Variants in KCNQ3 observed in about 807,000 individuals in gnomAD.
KCNQ3 encodes potassium voltage-gated channel subfamily KQT member 3.
Under a neutral mutation model 92.5 loss-of-function variants are expected in KCNQ3, and 30 were observed. That is an observed-to-expected ratio of 0.32 (90% confidence interval 0.24 to 0.44). KCNQ3 has a LOEUF of 0.44. Ranked by LOEUF, KCNQ3 falls within the 20% of genes least tolerant of loss-of-function variation. KCNQ3 has a pLI of 1.00. For missense variants in KCNQ3, 913 were observed against 1,140.3 expected (o/e 0.80, Z 2.87); for synonymous variants, 450 against 468.8 (o/e 0.96, Z 0.52).
rs886062698 is a variant in KCNQ3 at position 132,480,679 on chromosome 8, C to CCCG, written c.-148_-147insCGG. ...CCGCGCGCCCCTCCCCACCCCCCCC[C>CCCG]AAAAGCAGGCAAAGGCGGGCCCCCT... is the stretch of plus-strand genomic sequence containing the variant. On this transcript the variant is annotated 5_prime_UTR_variant, in exon 1 of 15. Transcript: ENST00000388996. 1.2e-6 allele frequency: 1 copy of CCCG among 864,810 alleles called. No individual in the cohort carries two copies. Among genetic ancestry groups the CCCG allele is most frequent in the Admixed American group, 5.5e-5 (1 of 18,148 alleles). 53.6% of individuals were successfully genotyped at this position (864,810 alleles called of 1,614,324 possible).
At chr8:132,411,442 A>G (rs1324941146) in intron 1 of KCNQ3, among the ~76,000 whole-genome samples, 1 of 152,136 alleles carries the variant, frequency 6.6e-6, no homozygotes, top group Non-Finnish European at 1.5e-5. Context: ...AGCCTCTCTC[A>G]GCAGAAAGAG....
intron 1 of KCNQ3, among the ~76,000 whole-genome samples, chr8:132,276,823 T>C (rs1816347664): frequency 6.6e-6 from 1 of 152,152 alleles, no homozygotes; most frequent in Admixed American, 6.5e-5. Context: ...TTCGACCCCT[T>C]AGAGGTCATG....
Position 132,177,566 on chromosome 8 carries a change from C to T in KCNQ3, c.778-1958G>A, listed in dbSNP as rs551943552. Among the ~76,000 whole-genome samples, 7 of 152,330 alleles carry T rather than the reference C, an allele frequency of 4.6e-5. No homozygotes were observed. In the South Asian group the frequency reaches 1.2e-3, roughly 27 times the overall value. ...CGAAAGGGGCCCACCCAGCACACAT[C>T]GGATACACTGTAAGCCAGAAGACGT... On this transcript the variant is annotated intron_variant, in intron 4 of 14. Coordinates refer to ENST00000388996, the MANE Select transcript of KCNQ3 (RefSeq NM_004519.4).
Position 132,127,277 on chromosome 8 carries a change from T to C in KCNQ3, c.*1985A>G, listed in dbSNP as rs1824701377. On this transcript the variant is annotated 3_prime_UTR_variant, in exon 15 of 15. Coordinates refer to ENST00000388996, the MANE Select transcript of KCNQ3 (RefSeq NM_004519.4). Reference sequence around the variant, plus strand: ...ATATTTCCCATCTCAGACTTCAAGGTCTACACCCATCCATTTATGGGGCTC... The same window carrying C: ...ATATTTCCCATCTCAGACTTCAAGGCCTACACCCATCCATTTATGGGGCTC... The C allele has an allele frequency of 6.6e-6, 1 of 152,226 alleles. No homozygotes were observed. Among genetic ancestry groups the C allele is most frequent in the African/African-American group, 2.4e-5 (1 of 41,462 alleles). The allele number at this position is 152,226 out of a possible 1,614,324, so 9.4% of individuals were successfully genotyped here.
intron 9 of KCNQ3, among the ~76,000 whole-genome samples, chr8:132,149,908 C>T (rs1825582905): frequency 6.6e-6 from 1 of 152,170 alleles, no homozygotes; most frequent in Non-Finnish European, 1.5e-5. Context: ...AGCTCTGTCC[C>T]ACAATAGTTT....
In KCNQ3 at chr8:132,217,169, G is replaced by A. The variant is rs190945120; in HGVS notation, c.387-30988C>T. Among the ~76,000 whole-genome samples the A allele has an allele frequency of 8.5e-5, 13 of 152,170 alleles. No homozygotes were observed. The East Asian group carries it at 1.7e-3, about 20-fold the overall frequency. On this transcript the variant is annotated intron_variant, in intron 1 of 14. Coordinates refer to ENST00000388996, the MANE Select transcript of KCNQ3 (RefSeq NM_004519.4). ...AGATTGGCAGGTTGAAATTTACCAC[G>A]GTGGGAGTATTTATACCAGAGAAAC...
At chr8:132,284,201 C>T (rs543074150) in intron 1 of KCNQ3, among the ~76,000 whole-genome samples, 1 of 152,204 alleles carries the variant, frequency 6.6e-6, no homozygotes, top group African/African-American at 2.4e-5. Flanking sequence ...AATAATAGGG[C>T]TTGAGAGTGT....
intron 1 of KCNQ3, among the ~76,000 whole-genome samples, chr8:132,433,717 C>T (rs1821311914): frequency 6.6e-6 from 1 of 151,176 alleles, no homozygotes; most frequent in African/African-American, 2.4e-5. Context: ...TGGCAAAAAC[C>T]CATCTCTACT....
At chr8:132,353,598 G>C (rs1037665470) in intron 1 of KCNQ3, among the ~76,000 whole-genome samples, 1 of 152,150 alleles carries the variant, frequency 6.6e-6, no homozygotes, top group Non-Finnish European at 1.5e-5. Context: ...CGGATCATCT[G>C]AGGTCAGGAG....
chr8:132,222,500 G>T (rs527462898), intron 1 of KCNQ3, among the ~76,000 whole-genome samples: 2 of 152,342 alleles, frequency 1.3e-5, no homozygotes, highest in South Asian at 4.1e-4. Context: ...TGAGAAGAGT[G>T]AGTTTAGGGT....
At chr8:132,453,362 G>C (rs913013288) in intron 1 of KCNQ3, among the ~76,000 whole-genome samples, 3 of 152,244 alleles carry the variant, frequency 2.0e-5, no homozygotes. Context: ...TTGGAGAATG[G>C]ATGGGTAAGA....
intron 1 of KCNQ3, among the ~76,000 whole-genome samples, chr8:132,276,330 G>T (rs1439352272): frequency 6.6e-6 from 1 of 152,132 alleles, no homozygotes. Context: ...AAGGTGCTGA[G>T]GTGTAAGTAA....
chr8:132,162,325 T>C (rs912460298), intron 9 of KCNQ3, among the ~76,000 whole-genome samples: 1 of 152,200 alleles, frequency 6.6e-6, no homozygotes, highest in Non-Finnish European at 1.5e-5. Flanking sequence ...ATCTGCACGA[T>C]TTATAAACCT....
intron 1 of KCNQ3, among the ~76,000 whole-genome samples, chr8:132,374,410 C>G (rs977570034): frequency 2.6e-5 from 4 of 152,178 alleles, no homozygotes; most frequent in African/African-American, 9.7e-5. Flanking sequence ...AGGTCACTAT[C>G]CTCCTCCACT....
At position 132,163,480 on chromosome 8, in the gene KCNQ3, TC is replaced by T; in HGVS notation, c.1249del (p.Glu417ArgfsTer32). On this transcript the variant is annotated frameshift_variant, in exon 9 of 15. Transcript: ENST00000388996. LOFTEE classifies it high-confidence loss of function. ...SFPFFRKEQL[E>X]AASSQKLGLL... ...ATCAGAAACTTACCTGGATGCTGCC[TC>T]CAGCTGTTCTTTCCTAGAAAGAGAA... 6.2e-7 allele frequency: 1 copy of T among 1,612,322 alleles called. No individual in the cohort carries two copies. The highest frequency in any genetic ancestry group is 2.2e-5 in the East Asian group (1 of 44,844).
At chr8:132,266,223 C>G (rs1815976762) in intron 1 of KCNQ3, among the ~76,000 whole-genome samples, 1 of 152,166 alleles carries the variant, frequency 6.6e-6, no homozygotes, top group African/African-American at 2.4e-5. Context: ...ACAGATTTCT[C>G]AGGATATGTT....
At chr8:132,440,977 C>T (rs1563913191) in intron 1 of KCNQ3, among the ~76,000 whole-genome samples, 1 of 152,182 alleles carries the variant, frequency 6.6e-6, no homozygotes, top group Non-Finnish European at 1.5e-5. Flanking sequence ...GCCAGATATC[C>T]GACCTGCACT....
chr8:132,269,628 CT>C (rs33951128), intron 1 of KCNQ3, among the ~76,000 whole-genome samples: 11,067 of 152,206 alleles, frequency 0.073, 437 homozygotes, highest in South Asian at 0.16. Context: ...ACCGAGCCCC[CT>C]ATTGCCAATT....
intron 1 of KCNQ3, among the ~76,000 whole-genome samples, chr8:132,471,207 G>A (rs1307669531): frequency 6.6e-6 from 1 of 152,164 alleles, no homozygotes; most frequent in Non-Finnish European, 1.5e-5. Flanking sequence ...GGAGGGAAGA[G>A]TTCTGGTCTC....
Sources: allele counts gnomAD v4.1 joint callset (sites outside exome capture counted in the v4.1 genomes callset), GRCh38; gene constraint gnomAD v4.1.1; transcripts MANE v1.5; gene names NCBI Gene and HGNC (gene_info 2026-07-23, HGNC 2026-07-21).